The following FBXO44 variants were observed in gnomAD, a reference collection of about 807,000 sequenced individuals.
FBXO44 encodes the protein F-box protein 44.
A neutral mutation model predicts 33.5 loss-of-function variants in FBXO44; 25 were observed. The observed-to-expected ratio is 0.75, with a 90% confidence interval of 0.54 to 1.04. The LOEUF (loss-of-function observed/expected upper bound fraction) is 1.04. Ranked by LOEUF, FBXO44 falls within the 50% of genes least tolerant of loss-of-function variation. The pLI is 0.00. For missense variants in FBXO44, 311 were observed against 344.0 expected, an observed-to-expected ratio of 0.90 and a Z score of 0.76; for synonymous variants, 147 against 152.8, an observed-to-expected ratio of 0.96 and a Z score of 0.28.
chr1:11,661,502 G>C lies in FBXO44; in HGVS notation c.*229G>C. 1.8e-6 allele frequency: 1 copy of C among 560,306 alleles called. No individual in the cohort carries two copies. The highest frequency in any genetic ancestry group is 2.9e-5 in the East Asian group (1 of 34,410). 34.7% of individuals were successfully genotyped at this position (560,306 alleles called of 1,614,324 possible). ...CTGAATGATGGCCGGGGAAGCCTGC[G>C]TGTGCCCCTTTCAGAGACGGAGCAC... is the stretch of plus-strand genomic sequence containing the variant. On this transcript the variant is annotated 3_prime_UTR_variant, in exon 6 of 6. Coordinates refer to ENST00000251547, the MANE Select transcript of FBXO44 (RefSeq NM_033182.7). The surrounding 1 kb of genome is among the most constrained non-coding windows in gnomAD (Gnocchi z 4.4).
intron 5 of FBXO44, 127 bp downstream of exon 5, chr1:11,658,998 C>A: frequency 8.2e-7 from 1 of 1,223,802 alleles, no homozygotes; most frequent in Non-Finnish European, 1.1e-6. Flanking sequence ...CTGAGCTTCA[C>A]TCGCTGTTTC....
chr1:11,655,680 C>T (rs1376032695), intron 1 of FBXO44, 126 bp from the exon 2 acceptor site: 22 of 964,624 alleles, frequency 2.3e-5, no homozygotes, highest in Middle Eastern at 4.5e-4. Context: ...CTCCTTGGAC[C>T]GCCCCAGTGA....
intron 2 of FBXO44, among the ~76,000 whole-genome samples, chr1:11,656,669 G>T (rs1639831375): frequency 6.6e-6 from 1 of 152,066 alleles, no homozygotes; most frequent in East Asian, 1.9e-4. Flanking sequence ...CACCATGTTG[G>T]CCAGGCTGGT....
intron 4 of FBXO44, 28 bp from the exon 5 acceptor site, chr1:11,658,707 GC>G (rs765282099): frequency 1.4e-5 from 22 of 1,613,240 alleles, no homozygotes; most frequent in Non-Finnish European, 1.7e-5. Flanking sequence ...AATCTCCGAG[GC>G]CCTGATGGGC....
chr1:11,656,136 C>T, intron 2 of FBXO44, 36 bp downstream of exon 2: 1 of 1,605,034 alleles, frequency 6.2e-7, no homozygotes. Context: ...GCCTCCAGTA[C>T]ACAGTCATGA....
At chr1:11,658,909 T>C in intron 5 of FBXO44, 38 bp downstream of exon 5, 3 of 1,599,158 alleles carry the variant, frequency 1.9e-6, no homozygotes, top group Non-Finnish European at 2.5e-6. Flanking sequence ...AGGCAGATCG[T>C]CCAAGGCTGA....
Position 11,658,844 on chromosome 1 carries a change from G to A in FBXO44, c.597G>A (p.Gln199=), listed in dbSNP as rs1397138577. ...GTFQPDPATI[Q]QKSDAKWREV... ...TCCAGCCAGACCCGGCGACCATCCAGCAGAAGAGCGATGCCAAGTGGAGGG... is the reference window on the plus strand; with the variant it reads ...TCCAGCCAGACCCGGCGACCATCCAACAGAAGAGCGATGCCAAGTGGAGGG... Residue 199 remains glutamine (Q), a synonymous_variant, in exon 5 of 6, where the codon CAG becomes CAA. Coordinates refer to ENST00000251547, the MANE Select transcript of FBXO44 (RefSeq NM_033182.7). 11 of 1,610,302 alleles carry A rather than the reference G, an allele frequency of 6.8e-6. No individual in the cohort carries two copies. The highest frequency in any genetic ancestry group is 9.3e-6 in the Non-Finnish European group (11 of 1,179,984).
chr1:11,662,595 C>G lies in FBXO44; in HGVS notation c.*1322C>G, dbSNP rs1640249921. 1 of 152,258 alleles carries G rather than the reference C, an allele frequency of 6.6e-6. No individual in the cohort carries two copies. The highest frequency in any genetic ancestry group is 2.4e-5 in the African/African-American group (1 of 41,462). 9.4% of individuals were successfully genotyped at this position (152,258 alleles called of 1,614,324 possible). A position where few individuals can be genotyped will look rare whatever the true frequency, so the allele number is the denominator to read the frequency against. On this transcript the variant is annotated 3_prime_UTR_variant, in exon 6 of 6. Coordinates refer to ENST00000251547, the MANE Select transcript of FBXO44 (RefSeq NM_033182.7). ...CCAGATCAGCAGTGCCACCCAGGCT[C>G]TGCCTCCTGGTGTTACTCTTTGCCA...
upstream of FBXO44, chr1:11,654,604 A>G (rs1351572327): frequency 6.0e-5 from 21 of 350,476 alleles, no homozygotes; most frequent in Non-Finnish European, 8.2e-5. Context: ...TTTTTTTCCA[A>G]CTGGGGAGGG....
Position 11,658,515 on chromosome 1 carries a change from C to T in FBXO44, c.393-18C>T. On this transcript the variant is annotated intron_variant, in intron 3 of 5. Coordinates refer to ENST00000251547, the MANE Select transcript of FBXO44 (RefSeq NM_033182.7). ...TAGTGGTGAGCCCAGCCCCTCCCAC[C>T]CCTCTGCCTGCCCCCAGCACCTGCC... 1 of 1,610,352 alleles carries T rather than the reference C, an allele frequency of 6.2e-7. No homozygotes were observed. The highest frequency in any genetic ancestry group is 8.5e-7 in the Non-Finnish European group (1 of 1,178,952).
rs1161137693 is a variant in FBXO44 at position 11,658,783 on chromosome 1, A to G, written c.536A>G (p.Gln179Arg). The part of the protein sequence containing the change: ...DCGSKYQLCV[Q>R]LLSSAHAPLG... Reference sequence around the variant, plus strand: ...GGGTCCAAGTACCAGCTGTGCGTTCAGCTCCTGTCGTCCGCGCACGCGCCT... The same window carrying G: ...GGGTCCAAGTACCAGCTGTGCGTTCGGCTCCTGTCGTCCGCGCACGCGCCT... Residue 179 changes from glutamine (Q) to arginine (R), a missense_variant, in exon 5 of 6, where the codon CAG (glutamine) becomes CGG (arginine). Coordinates refer to ENST00000251547, the MANE Select transcript of FBXO44 (RefSeq NM_033182.7). 6.2e-7 allele frequency: 1 copy of G among 1,613,928 alleles called. No individual in the cohort carries two copies. The highest frequency in any genetic ancestry group is 2.2e-5 in the East Asian group (1 of 44,848).
chr1:11,654,483 C>A (rs962848565), upstream of FBXO44: 8 of 794,292 alleles, frequency 1.0e-5, no homozygotes, highest in African/African-American at 5.4e-5. Context: ...ACCCGCCCCG[C>A]CCCGCCTCTG....
intron 2 of FBXO44, among the ~76,000 whole-genome samples, chr1:11,657,668 G>T (rs1043118412): frequency 6.6e-6 from 1 of 152,158 alleles, no homozygotes; most frequent in African/African-American, 2.4e-5. Context: ...TGGAACCCAG[G>T]AGGCAGAGGT....
chr1:11,654,462 C>T, upstream of FBXO44: 1 of 1,046,068 alleles, frequency 9.6e-7, no homozygotes, highest in Non-Finnish European at 1.2e-6. Context: ...CTCTTAAAGG[C>T]CCCCGACCCG....
chr1:11,655,677 G>A (rs1346627178), intron 1 of FBXO44, 129 bp from the exon 2 acceptor site: 2 of 935,644 alleles, frequency 2.1e-6, no homozygotes, highest in Admixed American at 2.8e-5. Flanking sequence ...AAGCTCCTTG[G>A]ACCGCCCCAG....
At chr1:11,657,752 C>CA (rs59849748) in intron 2 of FBXO44, among the ~76,000 whole-genome samples, 87 of 151,182 alleles carry the variant, frequency 5.8e-4, no homozygotes, top group East Asian at 4.5e-3. Flanking sequence ...AAAACAAAAA[C>CA]AAAAAAAAAG....
intron 2 of FBXO44, 127 bp downstream of exon 2, chr1:11,656,227 C>A: frequency 7.8e-7 from 1 of 1,289,588 alleles, no homozygotes; most frequent in Non-Finnish European, 1.1e-6. Flanking sequence ...CACAGTAACC[C>A]AAAGAGGTAG....
rs1049322452 is a variant in FBXO44 at position 11,661,165 on chromosome 1, C to T, written c.660C>T (p.Val220=). 1.2e-6 allele frequency: 2 copies of T among 1,613,790 alleles called. No individual in the cohort carries two copies. Among genetic ancestry groups the T allele is most frequent in the African/African-American group, 2.7e-5 (2 of 74,930 alleles). The change falls in exon 6 of 6, where the codon GTC becomes GTT. Residue 220 remains valine, a synonymous_variant. Transcript: ENST00000251547. This position sits in a 1 kb window ranked among gnomAD's most constrained non-coding sequence, Gnocchi z 4.4. ...CATTCTCCAACTACCCGCCCGGCGT[C>T]CGCTACATCTGGTTTCAGCACGGCG... ...SHTFSNYPPG[V]RYIWFQHGGV... is the part of the protein sequence containing the mutation.
chr1:11,660,164 A>AT (rs952653901), intron 5 of FBXO44, among the ~76,000 whole-genome samples: 2 of 151,672 alleles, frequency 1.3e-5, no homozygotes, highest in African/African-American at 2.4e-5. Context: ...ATTTTACTTA[A>AT]TTTTTTTTTC....
Sources: gnomAD v4.1 joint callset for allele counts (sites outside exome capture counted in the v4.1 genomes callset) on GRCh38, gnomAD v4.1.1 for gene constraint, Gnocchi (gnomAD v3.1) non-coding constraint, MANE v1.5 for transcripts, NCBI Gene and HGNC (gene_info 2026-07-23, HGNC 2026-07-21) for gene names.